Variants in IRF2 observed in about 807,000 individuals in gnomAD.
The protein encoded by IRF2 is interferon regulatory factor 2.
In IRF2, 15 loss-of-function variants were observed where a neutral mutation model predicts 40.6. That is an observed-to-expected ratio of 0.37 (90% confidence interval 0.25 to 0.57). The LOEUF (loss-of-function observed/expected upper bound fraction) is 0.57, where lower values mean the gene tolerates loss of function less well. Among genes scored for constraint, IRF2 ranks in the 20% least tolerant of loss-of-function variants. The pLI, the probability that IRF2 is intolerant of heterozygous loss-of-function variation, is 0.77. For synonymous variants in IRF2, 151 were observed against 165.5 expected (o/e 0.91, Z 0.67); for missense variants, 317 against 455.7 (o/e 0.70, Z 2.77).
chr4:184,428,953 C>T (rs1737769520), intron 2 of IRF2, 25 bp downstream of exon 2: 2 of 1,593,704 alleles, frequency 1.3e-6, no homozygotes, highest in Non-Finnish European at 1.7e-6. Context: ...CTCTCTCACA[C>T]ATACACCCAC....
In IRF2 at chr4:184,419,571, GAA is replaced by G. The variant is rs70959195; in HGVS notation, c.88-5_88-4del. 0.18 allele frequency: 162,560 copies of G among 889,064 alleles called. 3,261 individuals carry two copies. The highest frequency in any genetic ancestry group is 0.26 in the African/African-American group (12,691 of 49,532). 55.1% of individuals were successfully genotyped at this position (889,064 alleles called of 1,614,324 possible). On this transcript the variant is annotated splice_polypyrimidine_tract_variant and splice_region_variant and intron_variant, in intron 2 of 8. Transcript: ENST00000393593. ...GGGATCTGAAAAATCTTCTTTTCCT[GAA>G]AAAAAAAAAAAAAAAAAAGGTAAAG...
Position 184,448,505 on chromosome 4 carries a change from G to A in IRF2, c.-6-19435C>T, listed in dbSNP as rs529211924. ...TAAGACGGCCAAAGAGCTCTCGTGC[G>A]TATTTGAGAGAAAAGCGCTCAGATT... is the stretch of plus-strand genomic sequence containing the variant. On this transcript the variant is annotated intron_variant, in intron 1 of 8. Coordinates refer to ENST00000393593, the MANE Select transcript of IRF2 (RefSeq NM_002199.4). This position sits in a 1 kb window ranked among gnomAD's most constrained non-coding sequence, Gnocchi z 4.3. Among the ~76,000 whole-genome samples the A allele has an allele frequency of 1.5e-4, 23 of 152,296 alleles. No homozygotes were observed. The East Asian group carries it at 3.1e-3, about 20-fold the overall frequency.
chr4:184,459,378 GA>G (rs1419184377), intron 1 of IRF2, among the ~76,000 whole-genome samples: 1 of 152,110 alleles, frequency 6.6e-6, no homozygotes, highest in Admixed American at 6.5e-5. Flanking sequence ...TTCTCCAGCT[GA>G]AAAAATGAAG....
At chr4:184,464,988 C>A (rs932044077) in intron 1 of IRF2, among the ~76,000 whole-genome samples, 1 of 152,112 alleles carries the variant, frequency 6.6e-6, no homozygotes, top group South Asian at 2.1e-4. Context: ...GGTTTAGGGG[C>A]CTGACACAAT....
At chr4:184,393,764 G>T (rs1477965165) in intron 7 of IRF2, among the ~76,000 whole-genome samples, 8 of 152,132 alleles carry the variant, frequency 5.3e-5, no homozygotes, top group African/African-American at 1.9e-4. Context: ...GTTTCAAAAA[G>T]GGGCCTTCAG....
chr4:184,402,085 G>A lies in IRF2; in HGVS notation c.530-3006C>T, dbSNP rs906596067. 1.1e-4 allele frequency among the ~76,000 whole-genome samples: 16 copies of A among 152,332 alleles called. No individual in the cohort carries two copies. The East Asian group carries it at 2.9e-3, about 27-fold the overall frequency. ...GGGCTAGAAGGAGCAGCGGAAGATC[G>A]ATGCAGTCAAGGATCCGGTTTGTAA... On this transcript the variant is annotated intron_variant, in intron 6 of 8. Coordinates refer to ENST00000393593, the MANE Select transcript of IRF2 (RefSeq NM_002199.4).
chr4:184,425,011 C>A (rs1419901857), intron 2 of IRF2, among the ~76,000 whole-genome samples: 1 of 152,220 alleles, frequency 6.6e-6, no homozygotes, highest in Non-Finnish European at 1.5e-5. Flanking sequence ...CTAGGCCTGG[C>A]CCTGAGCATG....
chr4:184,426,019 T>A (rs542740477), intron 2 of IRF2, among the ~76,000 whole-genome samples: 1 of 148,492 alleles, frequency 6.7e-6, no homozygotes, highest in African/African-American at 2.5e-5. Context: ...TGTTTGTTTT[T>A]GAGATGGAGT....
chr4:184,394,524 CTT>C (rs1024681864), intron 7 of IRF2, among the ~76,000 whole-genome samples: 6 of 152,208 alleles, frequency 3.9e-5, no homozygotes, highest in Admixed American at 1.3e-4. Flanking sequence ...TCGGAATCCT[CTT>C]AATCTCAAAG....
intron 1 of IRF2, among the ~76,000 whole-genome samples, chr4:184,469,625 T>A (rs760768808): frequency 5.3e-5 from 8 of 152,188 alleles, no homozygotes; most frequent in Non-Finnish European, 8.8e-5. Flanking sequence ...TAGTGAGCTA[T>A]GATCGAGCCA....
Position 184,408,129 on chromosome 4 carries a change from A to G in IRF2, c.529+29T>C, listed in dbSNP as rs751345731. Reference sequence around the variant, plus strand: ...AGGCCCCAGGGGGCTGCTGGTATGTATAAAAAATGAGACGTCAAAACAGTT... The same window carrying G: ...AGGCCCCAGGGGGCTGCTGGTATGTGTAAAAAATGAGACGTCAAAACAGTT... On this transcript the variant is annotated intron_variant, in intron 6 of 8. Transcript: ENST00000393593. The surrounding 1 kb of genome is among the most constrained non-coding windows in gnomAD (Gnocchi z 4.9). 7.2e-7 allele frequency: 1 copy of G among 1,384,786 alleles called. No individual in the cohort carries two copies. Among genetic ancestry groups the G allele is most frequent in the African/African-American group, 1.4e-5 (1 of 70,214 alleles). 85.8% of individuals were successfully genotyped at this position (1,384,786 alleles called of 1,614,324 possible).
intron 2 of IRF2, among the ~76,000 whole-genome samples, chr4:184,425,861 T>C (rs1157085859): frequency 1.3e-5 from 2 of 152,168 alleles, no homozygotes; most frequent in Non-Finnish European, 2.9e-5. Flanking sequence ...ATCAATCTCC[T>C]AAGACTGTCA....
chr4:184,428,551 A>G, intron 2 of IRF2: 1 of 368,310 alleles, frequency 2.7e-6, no homozygotes, highest in Non-Finnish European at 5.4e-6. Context: ...TAATCCCCAC[A>G]CTTTGGGAGG....
Position 184,390,638 on chromosome 4 carries a change from A to G in IRF2, c.741+65T>C, listed in dbSNP as rs1736224318. 3 of 1,513,116 alleles carry G rather than the reference A, an allele frequency of 2.0e-6. No individual in the cohort carries two copies. The African/African-American group carries it at 4.1e-5, about 21-fold the overall frequency. 93.7% of individuals were successfully genotyped at this position (1,513,116 alleles called of 1,614,324 possible). A position where few individuals can be genotyped will look rare whatever the true frequency, so the allele number is the denominator to read the frequency against. ...AAAGGTGCATAACCAGCAGCAAGGA[A>G]AGCCCGGAGCTGGTCGGGAGGCTTT... On this transcript the variant is annotated intron_variant, in intron 8 of 8. Coordinates refer to ENST00000393593, the MANE Select transcript of IRF2 (RefSeq NM_002199.4).
chr4:184,429,308 C>A (rs887623721), intron 1 of IRF2, among the ~76,000 whole-genome samples: 1 of 152,130 alleles, frequency 6.6e-6, no homozygotes, highest in African/African-American at 2.4e-5. Context: ...CTGGGAGGGT[C>A]CTATGGACAT....
intron 5 of IRF2, among the ~76,000 whole-genome samples, chr4:184,415,130 C>A (rs1737218077): frequency 2.0e-5 from 3 of 152,310 alleles, no homozygotes; most frequent in Admixed American, 2.0e-4. Flanking sequence ...ACTCGGGAAG[C>A]CCACTGGCCT....
chr4:184,445,021 T>C (rs1384575069), intron 1 of IRF2, among the ~76,000 whole-genome samples: 1 of 152,226 alleles, frequency 6.6e-6, no homozygotes, highest in Non-Finnish European at 1.5e-5. Context: ...CCATGGTGGC[T>C]TCCCCATGAG....
chr4:184,416,407 A>G (rs534028572), intron 5 of IRF2, among the ~76,000 whole-genome samples: 50 of 152,200 alleles, frequency 3.3e-4, no homozygotes, highest in African/African-American at 1.2e-3. Context: ...GTAAAAAAAA[A>G]AAAATGTTTT....
At chr4:184,463,949 T>C (rs141235730) in intron 1 of IRF2, among the ~76,000 whole-genome samples, 8 of 152,270 alleles carry the variant, frequency 5.3e-5, no homozygotes, top group African/African-American at 1.9e-4. Flanking sequence ...TAAAATGCCT[T>C]CACCTCCTAA....
Sources: gnomAD v4.1 joint callset for allele counts (sites outside exome capture counted in the v4.1 genomes callset) on GRCh38, gnomAD v4.1.1 for gene constraint, Gnocchi (gnomAD v3.1) non-coding constraint, MANE v1.5 for transcripts, NCBI Gene and HGNC (gene_info 2026-07-23, HGNC 2026-07-21) for gene names.